DGLUCY: variants seen among roughly 807,000 people sequenced by gnomAD.
DGLUCY encodes the protein D-glutamate cyclase.
A neutral mutation model predicts 58.5 loss-of-function variants in DGLUCY; 58 were observed. The observed-to-expected ratio is 0.99, with a 90% confidence interval of 0.80 to 1.23. The LOEUF (loss-of-function observed/expected upper bound fraction) is 1.23, where lower values mean the gene tolerates loss of function less well. Among genes scored for constraint, DGLUCY ranks in the 50% most tolerant of loss-of-function variants. The pLI, the probability that DGLUCY is intolerant of heterozygous loss-of-function variation, is 0.00. For missense variants in DGLUCY, 779 were observed against 784.7 expected, an observed-to-expected ratio of 0.99 and a Z score of 0.09; for synonymous variants, 325 against 314.1, an observed-to-expected ratio of 1.03 and a Z score of -0.37.
intron 1 of DGLUCY, among the ~76,000 whole-genome samples, chr14:91,153,590 G>A (rs967580314): frequency 6.6e-6 from 1 of 152,188 alleles, no homozygotes; most frequent in Non-Finnish European, 1.5e-5. Context: ...GAACTGAAAG[G>A]AAAAGAGGAA....
intron 3 of DGLUCY, among the ~76,000 whole-genome samples, chr14:91,163,420 A>T (rs939329216): frequency 3.3e-5 from 5 of 152,188 alleles, no homozygotes; most frequent in Non-Finnish European, 7.4e-5. Context: ...GACTGGCATC[A>T]GGTTCCTTGG....
At chr14:91,122,605 T>TTTTTG (rs2045442661) in intron 1 of DGLUCY, among the ~76,000 whole-genome samples, 1 of 129,734 alleles carries the variant, frequency 7.7e-6, no homozygotes, top group African/African-American at 3.1e-5. Context: ...GAAAAAAGTT[T>TTTTTG]TTTTTTTTTT....
intron 8 of DGLUCY, among the ~76,000 whole-genome samples, chr14:91,186,453 G>A (rs1009779346): frequency 1.3e-5 from 2 of 151,964 alleles, no homozygotes; most frequent in Non-Finnish European, 2.9e-5. Context: ...CACCATGTTG[G>A]CCAGGCTGGT....
chr14:91,131,018 A>G (rs1386943917), intron 1 of DGLUCY, among the ~76,000 whole-genome samples: 1 of 151,842 alleles, frequency 6.6e-6, no homozygotes, highest in Non-Finnish European at 1.5e-5. Flanking sequence ...CAAGAACATG[A>G]CTTACTGCAG....
chr14:91,203,677 GTTTTTT>G (rs142610008), intron 11 of DGLUCY, among the ~76,000 whole-genome samples: 2 of 145,340 alleles, frequency 1.4e-5, no homozygotes, highest in Non-Finnish European at 1.5e-5. Context: ...TTTTTTGTGT[GTTTTTT>G]TTTTTTTTTT....
intron 8 of DGLUCY, among the ~76,000 whole-genome samples, chr14:91,182,003 T>C (rs537467575): frequency 9.4e-5 from 14 of 149,506 alleles, no homozygotes; most frequent in Non-Finnish European, 2.1e-4. Flanking sequence ...ATTTTTGAGA[T>C]GGAGTCTCAC....
chr14:91,198,343 CTT>C (rs11341539), intron 10 of DGLUCY, among the ~76,000 whole-genome samples: 10 of 145,166 alleles, frequency 6.9e-5, no homozygotes, highest in South Asian at 2.2e-4. Flanking sequence ...TGTGCCCAGC[CTT>C]TTTTTTTTTT....
At chr14:91,164,943 G>A (rs894234757) in intron 3 of DGLUCY, among the ~76,000 whole-genome samples, 2 of 152,208 alleles carry the variant, frequency 1.3e-5, no homozygotes, top group African/African-American at 4.8e-5. Flanking sequence ...AGTTCCCCCA[G>A]GCCCTGGGTG....
intron 1 of DGLUCY, among the ~76,000 whole-genome samples, chr14:91,128,309 C>CAA (rs34796763): frequency 2.0e-4 from 21 of 102,928 alleles, no homozygotes; most frequent in African/African-American, 7.6e-4. Context: ...CCCATCTCTA[C>CAA]AAAAAAAAAA....
At chr14:91,105,533 G>A (rs2044573500), upstream of DGLUCY, among the ~76,000 whole-genome samples, 1 of 152,170 alleles carries the variant, frequency 6.6e-6, no homozygotes, top group Non-Finnish European at 1.5e-5. Context: ...GCTCCAGAGA[G>A]CTTGCCTATG....
chr14:91,166,746 G>C (rs1347476261), intron 3 of DGLUCY, among the ~76,000 whole-genome samples: 1 of 152,086 alleles, frequency 6.6e-6, no homozygotes, highest in South Asian at 2.1e-4. Flanking sequence ...GAAGCCGGAG[G>C]GTCACTTGAG....
Position 91,225,013 on chromosome 14 carries a change from G to T in DGLUCY, c.*180G>T. 1 of 540,334 alleles carries T rather than the reference G, an allele frequency of 1.9e-6. No homozygotes were observed. Among genetic ancestry groups the T allele is most frequent in the African/African-American group, 1.9e-5 (1 of 51,524 alleles). The allele number at this position is 540,334 out of a possible 1,614,324, so 33.5% of individuals were successfully genotyped here. On this transcript the variant is annotated 3_prime_UTR_variant, in exon 14 of 14. Coordinates refer to ENST00000256324, the MANE Select transcript of DGLUCY (RefSeq NM_001102368.3). The stretch of plus-strand genomic sequence containing the variant: ...TGGGAGGGGTTAGTGCAGGTGCTGT[G>T]GACAAAGGACAACATTTCTCTGGGG...
intron 1 of DGLUCY, among the ~76,000 whole-genome samples, chr14:91,155,284 T>C (rs1197865693): frequency 6.6e-6 from 1 of 152,112 alleles, no homozygotes. Flanking sequence ...CCCAGAGTAA[T>C]AAACATGGGT....
At chr14:91,074,335 C>T (rs756564336) in intron 1 of DGLUCY, among the ~76,000 whole-genome samples, 24 of 145,368 alleles carry the variant, frequency 1.7e-4, no homozygotes, top group Middle Eastern at 7.2e-3. Flanking sequence ...ATATATAAAC[C>T]GAGTGTGATG....
chr14:91,201,779 G>A lies in DGLUCY; in HGVS notation c.1444+1874G>A, dbSNP rs138915214. Among the ~76,000 whole-genome samples the A allele has an allele frequency of 2.5e-3, 382 of 152,034 alleles. 2 individuals carry two copies. Among genetic ancestry groups the A allele is most frequent in the African/African-American group, 8.9e-3 (370 of 41,478 alleles). ...AATAATATAATAATATGGTCTGGGC[G>A]TGGTGGCTCACACCTGTAATTCCAG... On this transcript the variant is annotated intron_variant, in intron 11 of 13. Coordinates refer to ENST00000256324, the MANE Select transcript of DGLUCY (RefSeq NM_001102368.3).
intron 11 of DGLUCY, among the ~76,000 whole-genome samples, chr14:91,200,376 A>G (rs544434676): frequency 6.6e-6 from 1 of 152,182 alleles, no homozygotes; most frequent in South Asian, 2.1e-4. Flanking sequence ...TGACACCACC[A>G]TTTAGAAATC....
intron 1 of DGLUCY, among the ~76,000 whole-genome samples, chr14:91,094,435 CAA>C (rs1274720296): frequency 7.4e-6 from 1 of 135,930 alleles, no homozygotes; most frequent in African/African-American, 2.7e-5. Context: ...ACTCTGTCCC[CAA>C]AAAAAAAAAA....
At chr14:91,212,074 A>G (rs913229589) in intron 12 of DGLUCY, among the ~76,000 whole-genome samples, 1 of 152,226 alleles carries the variant, frequency 6.6e-6, no homozygotes, top group Non-Finnish European at 1.5e-5. Flanking sequence ...AAGTGCTGGG[A>G]TTACAGGCAT....
chr14:91,115,228 G>T lies in DGLUCY; in HGVS notation c.-82+945G>T, dbSNP rs1185245637. 3 of 152,422 alleles carry T rather than the reference G, an allele frequency of 2.0e-5. No homozygotes were observed. In the Admixed American group the frequency reaches 2.0e-4, roughly 10 times the overall value. The allele number at this position is 152,422 out of a possible 1,614,324, so 9.4% of individuals were successfully genotyped here. A position where few individuals can be genotyped will look rare whatever the true frequency, so the allele number is the denominator to read the frequency against. ...GCTGCTTTGTGCTTTAAAGGTAACT[G>T]AGTATGAGCTAAAAAGAAGGAAAGG... is the stretch of plus-strand genomic sequence containing the variant. On this transcript the variant is annotated intron_variant, in intron 1 of 13. Coordinates refer to ENST00000256324, the MANE Select transcript of DGLUCY (RefSeq NM_001102368.3).
Sources: allele counts gnomAD v4.1 joint callset (sites outside exome capture counted in the v4.1 genomes callset), GRCh38; gene constraint gnomAD v4.1.1; transcripts MANE v1.5; gene names NCBI Gene and HGNC (gene_info 2026-07-23, HGNC 2026-07-21).